The following SLC35F4 variants were observed in gnomAD, a reference collection of about 807,000 sequenced individuals.
SLC35F4 encodes the protein solute carrier family 35 member F4.
Under a neutral mutation model 44.2 loss-of-function variants are expected in SLC35F4, and 24 were observed. That is an observed-to-expected ratio of 0.54 (90% CI 0.39 to 0.76). The LOEUF is 0.76. SLC35F4 is among the 30% of genes least tolerant of loss of function. The pLI is 0.00. For synonymous variants in SLC35F4, 238 were observed against 223.6 expected (o/e 1.06, Z -0.57); for missense variants, 562 against 586.1 (o/e 0.96, Z 0.42).
At chr14:57,917,950 T>C (rs916060183) in intron 1 of SLC35F4, among the ~76,000 whole-genome samples, 4 of 152,176 alleles carry the variant, frequency 2.6e-5, no homozygotes, top group African/African-American at 9.7e-5. Flanking sequence ...ACAGGATGGC[T>C]AGAAGGGGCT....
intron 1 of SLC35F4, among the ~76,000 whole-genome samples, chr14:57,759,876 G>GCT (rs2077082306): frequency 7.5e-6 from 1 of 132,918 alleles, no homozygotes; most frequent in Non-Finnish European, 1.6e-5. Flanking sequence ...CTCTTTCTTT[G>GCT]CTTGTTTTTT....
chr14:57,925,985 T>C (rs544436413), intron 1 of SLC35F4, among the ~76,000 whole-genome samples: 2 of 152,334 alleles, frequency 1.3e-5, no homozygotes, highest in African/African-American at 2.4e-5. Flanking sequence ...CAGATCACTT[T>C]TGTGCCTGAA....
At chr14:57,886,592 C>G (rs748595921) in intron 1 of SLC35F4, among the ~76,000 whole-genome samples, 26 of 152,100 alleles carry the variant, frequency 1.7e-4, no homozygotes, top group Non-Finnish European at 2.6e-4. Flanking sequence ...TTCTCCTTTC[C>G]TTTACCAAAA....
intron 1 of SLC35F4, among the ~76,000 whole-genome samples, chr14:57,812,499 AG>A (rs1311968385): frequency 1.3e-5 from 2 of 152,192 alleles, no homozygotes; most frequent in Non-Finnish European, 2.9e-5. Flanking sequence ...CCAGGCAGCT[AG>A]GCTTTGGGAG....
intron 1 of SLC35F4, among the ~76,000 whole-genome samples, chr14:57,654,662 C>G (rs1465074743): frequency 6.6e-6 from 1 of 152,174 alleles, no homozygotes; most frequent in African/African-American, 2.4e-5. Context: ...TTTAAGGAAC[C>G]TTCATACTGT....
intron 3 of SLC35F4, among the ~76,000 whole-genome samples, chr14:57,583,603 A>T (rs1489807038): frequency 6.6e-6 from 1 of 152,194 alleles, no homozygotes; most frequent in Non-Finnish European, 1.5e-5. Flanking sequence ...GCAGCTGGGA[A>T]GACGCTGCTG....
chr14:57,786,354 G>C (rs1039284620), intron 1 of SLC35F4, among the ~76,000 whole-genome samples: 5 of 152,110 alleles, frequency 3.3e-5, no homozygotes, highest in Non-Finnish European at 4.4e-5. Flanking sequence ...GAAGACAAAG[G>C]GCATATAATC....
At chr14:57,850,643 C>T (rs1243280295) in intron 1 of SLC35F4, among the ~76,000 whole-genome samples, 1 of 152,166 alleles carries the variant, frequency 6.6e-6, no homozygotes, top group African/African-American at 2.4e-5. Flanking sequence ...GCTTCACAGT[C>T]ACCATTATAA....
At chr14:57,602,431 G>C (rs2070883337) in intron 1 of SLC35F4, 1 of 152,114 alleles carries the variant, frequency 6.6e-6, no homozygotes, top group Non-Finnish European at 1.5e-5. Context: ...ATAACTATTT[G>C]GAAGTTGTTA....
chr14:57,889,814 C>G (rs1888722383), intron 1 of SLC35F4, among the ~76,000 whole-genome samples: 1 of 152,126 alleles, frequency 6.6e-6, no homozygotes, highest in Non-Finnish European at 1.5e-5. Flanking sequence ...TATTCTTAGT[C>G]TGTTATTGCT....
At chr14:57,913,709 GTTATA>G in intron 1 of SLC35F4, among the ~76,000 whole-genome samples, 1 of 152,110 alleles carries the variant, frequency 6.6e-6, no homozygotes, top group Middle Eastern at 3.4e-3. Context: ...CAAATTATCT[GTTATA>G]TTAATTTGGA....
chr14:57,854,316 A>AT (rs201134795), intron 1 of SLC35F4, among the ~76,000 whole-genome samples: 2 of 152,154 alleles, frequency 1.3e-5, no homozygotes, highest in East Asian at 3.9e-4. Context: ...ATGCTTTATA[A>AT]TTTTTAAAAA....
chr14:57,853,883 T>G (rs992023966), intron 1 of SLC35F4, among the ~76,000 whole-genome samples: 4 of 152,192 alleles, frequency 2.6e-5, no homozygotes, highest in Non-Finnish European at 4.4e-5. Context: ...CCCCGGTGTC[T>G]TTTCAATAGC....
At chr14:57,808,945 G>C (rs557453195) in intron 1 of SLC35F4, among the ~76,000 whole-genome samples, 1 of 152,170 alleles carries the variant, frequency 6.6e-6, no homozygotes, top group South Asian at 2.1e-4. Context: ...TTTTTTTCTA[G>C]GTCCAGAGCA....
chr14:57,709,465 T>C (rs1442058490), intron 1 of SLC35F4, among the ~76,000 whole-genome samples: 1 of 152,180 alleles, frequency 6.6e-6, no homozygotes, highest in Non-Finnish European at 1.5e-5. Context: ...GAGTAATTGC[T>C]ATAAACTAAT....
intron 1 of SLC35F4, among the ~76,000 whole-genome samples, chr14:57,887,557 G>A (rs967632152): frequency 2.4e-4 from 37 of 152,162 alleles, no homozygotes; most frequent in African/African-American, 8.0e-4. Context: ...AGTGACGAAC[G>A]TGACCTGCAG....
chr14:57,703,282 C>T (rs1319941282), intron 1 of SLC35F4, among the ~76,000 whole-genome samples: 1 of 152,210 alleles, frequency 6.6e-6, no homozygotes, highest in East Asian at 1.9e-4. Context: ...TCCTTCCCCA[C>T]ATCATCAGAA....
chr14:57,795,898 C>T (rs2078043046), intron 1 of SLC35F4, among the ~76,000 whole-genome samples: 1 of 152,060 alleles, frequency 6.6e-6, no homozygotes, highest in African/African-American at 2.4e-5. Context: ...TTTCAGCACT[C>T]AGGTAGTAAG....
chr14:57,727,369 G>C (rs1218767817), intron 1 of SLC35F4, among the ~76,000 whole-genome samples: 1 of 151,342 alleles, frequency 6.6e-6, no homozygotes, highest in African/African-American at 2.4e-5. Flanking sequence ...ATGTTTTGTT[G>C]ATCTTTTATG....
Sources: allele counts gnomAD v4.1 joint callset (sites outside exome capture counted in the v4.1 genomes callset), GRCh38; gene constraint gnomAD v4.1.1; transcripts MANE v1.5; gene names NCBI Gene and HGNC (gene_info 2026-07-23, HGNC 2026-07-21).